The following PMFBP1 variants were observed in gnomAD, a reference collection of about 807,000 sequenced individuals.
PMFBP1 encodes polyamine modulated factor 1 binding protein 1, also known as polyamine-modulated factor 1-binding protein 1.
PMFBP1 carries 131 observed loss-of-function variants against 137.8 expected under a neutral mutation model. That is an observed-to-expected ratio of 0.95 (90% CI 0.82 to 1.10). The LOEUF (loss-of-function observed/expected upper bound fraction) is 1.10. Among genes scored for constraint, PMFBP1 ranks in the 50% least tolerant of loss-of-function variants. The pLI is 0.00. For synonymous variants in PMFBP1, 490 were observed against 450.4 expected, an observed-to-expected ratio of 1.09 and a Z score of -1.11; for missense variants, 1,199 against 1,175.4, an observed-to-expected ratio of 1.02 and a Z score of -0.29.
chr16:72,224,890 C>G, the PMFBP1 span: 1 of 152,180 alleles, frequency 6.6e-6, no homozygotes, highest in Non-Finnish European at 1.5e-5. Flanking sequence ...TTGTTTGTAT[C>G]CCACACAGAA....
chr16:72,193,891 G>T, the PMFBP1 span, among the ~76,000 whole-genome samples: 1 of 151,808 alleles, frequency 6.6e-6, no homozygotes, highest in African/African-American at 2.4e-5. Context: ...TTTCCACAGG[G>T]CGGGTTAATA....
At chr16:72,234,442 C>T in the PMFBP1 span, among the ~76,000 whole-genome samples, 1 of 152,160 alleles carries the variant, frequency 6.6e-6, no homozygotes, top group South Asian at 2.1e-4. Flanking sequence ...TAGTAAAAAA[C>T]ACACCCTTGG....
upstream of PMFBP1, among the ~76,000 whole-genome samples, chr16:72,180,207 G>A (rs2144546879): frequency 6.6e-6 from 1 of 152,238 alleles, no homozygotes; most frequent in East Asian, 1.9e-4. Flanking sequence ...AGGAAGCAAG[G>A]CACTTAGAGG....
the PMFBP1 span, among the ~76,000 whole-genome samples, chr16:72,185,625 G>C: frequency 6.6e-6 from 1 of 152,134 alleles, no homozygotes; most frequent in Non-Finnish European, 1.5e-5. Flanking sequence ...CACTATATTA[G>C]AATTGTGGGC....
chr16:72,169,578 A>G (rs1351260228), intron 2 of PMFBP1, among the ~76,000 whole-genome samples: 1 of 152,212 alleles, frequency 6.6e-6, no homozygotes, highest in East Asian at 1.9e-4. Flanking sequence ...TACTTATGTA[A>G]CAAACCTGCA....
intron 20 of PMFBP1, 48 bp from the exon 21 acceptor site, chr16:72,119,402 A>T (rs2042342813): frequency 6.2e-7 from 1 of 1,613,958 alleles, no homozygotes; most frequent in African/African-American, 1.3e-5. Flanking sequence ...GGAGAAATTA[A>T]CGAGGTGATT....
chr16:72,130,597 G>A lies in PMFBP1; in HGVS notation c.1573C>T (p.Gln525Ter). 6.2e-7 allele frequency: 1 copy of A among 1,614,004 alleles called. No individual in the cohort carries two copies. The highest frequency in any genetic ancestry group is 8.5e-7 in the Non-Finnish European group (1 of 1,180,002). ...KQKADTIQEL[Q>*]RELQMLQKES... is the part of the protein sequence containing the mutation. ...TTCTGCAGCATCTGAAGTTCTCTCT[G>A]TAGTTCCTGGATGGTGTCTGCCTTC... Residue 525 changes from glutamine to a stop codon, truncating the protein, a stop_gained, in exon 11 of 21, where the codon CAG (glutamine) becomes TAG (stop). Coordinates refer to ENST00000237353, the MANE Select transcript of PMFBP1 (RefSeq NM_031293.3). LOFTEE classifies it high-confidence loss of function.
the PMFBP1 span, among the ~76,000 whole-genome samples, chr16:72,210,885 A>G: frequency 6.6e-6 from 1 of 152,290 alleles, no homozygotes; most frequent in Non-Finnish European, 1.5e-5. Flanking sequence ...CACCTTTACT[A>G]AAATGATCCA....
the PMFBP1 span, among the ~76,000 whole-genome samples, chr16:72,245,575 C>T: frequency 6.6e-6 from 1 of 152,220 alleles, no homozygotes; most frequent in Non-Finnish European, 1.5e-5. Context: ...ACAGACCCTA[C>T]AGAGACATGT....
At chr16:72,123,701 C>T (rs1270042012) in intron 17 of PMFBP1, 52 bp from the exon 18 acceptor site, 98 of 1,514,800 alleles carry the variant, frequency 6.5e-5, no homozygotes, top group Non-Finnish European at 8.7e-5. Context: ...ACAGGCCTGT[C>T]AGCCCTCCTT....
rs372243897 is a variant in PMFBP1 at position 72,129,079 on chromosome 16, T to C, written c.1937A>G (p.Lys646Arg). Reference protein sequence around the residue: ...ELEALRQEFKKKDKTLKENSR... With the variant: ...ELEALRQEFKRKDKTLKENSR... ...TCTCCCACTCACCGTCTTGTCTTTC[T>C]TTTTAAATTCCTGCCGCAAAGCTTC... The change falls in exon 13 of 21, where the codon AAG (lysine) becomes AGG (arginine). Residue 646 changes from lysine to arginine, a missense_variant. By Grantham distance (26) the Lys-to-Arg change is conservative (BLOSUM62 2). Transcript: ENST00000237353. 1.2e-4 allele frequency: 198 copies of C among 1,613,704 alleles called. No individual in the cohort carries two copies. Among genetic ancestry groups the C allele is most frequent in the Non-Finnish European group, 1.6e-4 (187 of 1,179,952 alleles).
chr16:72,215,209 A>C, the PMFBP1 span, among the ~76,000 whole-genome samples: 1 of 152,170 alleles, frequency 6.6e-6, no homozygotes, highest in Non-Finnish European at 1.5e-5. Flanking sequence ...TATTTGAGAA[A>C]ATAGAAGTTC....
At chr16:72,187,042 G>C in the PMFBP1 span, among the ~76,000 whole-genome samples, 1 of 151,556 alleles carries the variant, frequency 6.6e-6, no homozygotes, top group African/African-American at 2.4e-5. Flanking sequence ...GAATCCGGGA[G>C]GTGGAGGTTG....
At chr16:72,209,637 A>G in the PMFBP1 span, among the ~76,000 whole-genome samples, 1 of 152,172 alleles carries the variant, frequency 6.6e-6, no homozygotes, top group Admixed American at 6.5e-5. Flanking sequence ...AACAAATTAT[A>G]CTCAAATAAT....
chr16:72,197,854 C>G, the PMFBP1 span, among the ~76,000 whole-genome samples: 1 of 152,262 alleles, frequency 6.6e-6, no homozygotes, highest in Non-Finnish European at 1.5e-5. Flanking sequence ...CACTCTGCAT[C>G]CAGTGCAACA....
the PMFBP1 span, among the ~76,000 whole-genome samples, chr16:72,227,141 C>T: frequency 6.6e-6 from 1 of 151,928 alleles, no homozygotes; most frequent in Non-Finnish European, 1.5e-5. Context: ...GTAAAGACTA[C>T]TTAGCTTAAT....
At chr16:72,134,432 C>T (rs933789104) in intron 9 of PMFBP1, among the ~76,000 whole-genome samples, 4 of 152,204 alleles carry the variant, frequency 2.6e-5, no homozygotes, top group Non-Finnish European at 5.9e-5. Flanking sequence ...GATCCTCCTA[C>T]CTTGGCCTCC....
the PMFBP1 span, among the ~76,000 whole-genome samples, chr16:72,229,714 T>C: frequency 6.6e-6 from 1 of 152,200 alleles, no homozygotes; most frequent in Non-Finnish European, 1.5e-5. Flanking sequence ...CTTGGTAAGA[T>C]TTATTGCAGA....
the PMFBP1 span, among the ~76,000 whole-genome samples, chr16:72,246,611 A>G: frequency 1.3e-5 from 2 of 151,774 alleles, no homozygotes; most frequent in African/African-American, 4.8e-5. Flanking sequence ...ATCTTTCAAG[A>G]TCTGGCCACA....
Sources: allele counts gnomAD v4.1 joint callset (sites outside exome capture counted in the v4.1 genomes callset), GRCh38; gene constraint gnomAD v4.1.1; transcripts MANE v1.5; gene names NCBI Gene and HGNC (gene_info 2026-07-23, HGNC 2026-07-21).